SCARA3: variants seen among roughly 807,000 people sequenced by gnomAD.
SCARA3 encodes cellular stress response gene protein.
A neutral mutation model predicts 47.0 loss-of-function variants in SCARA3; 39 were observed. The ratio of observed to expected loss-of-function variants is 0.83; its 90% CI spans 0.64 to 1.08. The LOEUF (loss-of-function observed/expected upper bound fraction) is 1.08. SCARA3 is among the 50% of genes least tolerant of loss of function. The pLI is 0.00. For missense variants in SCARA3, 724 were observed against 792.3 expected, an observed-to-expected ratio of 0.91 and a Z score of 1.04; for synonymous variants, 356 against 334.1, an observed-to-expected ratio of 1.07 and a Z score of -0.71.
Position 27,646,977 on chromosome 8 carries a change from C to CCG in SCARA3, c.8-2724_8-2723insGC, listed in dbSNP as rs1563402983. The stretch of plus-strand genomic sequence containing the variant: ...CCGCACCCCTGACCGCCCCCGCCCC[C>CCG]CCCCCGCACACACACACTATTGCCC... On this transcript the variant is annotated intron_variant, in intron 1 of 5. Transcript: ENST00000301904. 3.7e-5 allele frequency among the ~76,000 whole-genome samples: 4 copies of CCG among 109,300 alleles called. 1 individual carries two copies. Among genetic ancestry groups the CCG allele is most frequent in the Non-Finnish European group, 5.9e-5 (3 of 50,446 alleles). 71.7% of individuals were successfully genotyped at this position (109,300 alleles called of 152,430 possible). A position where few individuals can be genotyped will look rare whatever the true frequency, so the allele number is the denominator to read the frequency against.
At chr8:27,660,754 A>G (rs1305641915) in intron 5 of SCARA3, among the ~76,000 whole-genome samples, 2 of 151,954 alleles carry the variant, frequency 1.3e-5, no homozygotes, top group Admixed American at 6.6e-5. Context: ...AACAGAATCA[A>G]TAATGGAGAG....
the SCARA3 span, among the ~76,000 whole-genome samples, chr8:27,690,179 C>T: frequency 6.6e-6 from 1 of 152,120 alleles, no homozygotes; most frequent in Admixed American, 6.6e-5. Context: ...ACCGTGTTGT[C>T]GCAAGAACTG....
chr8:27,711,126 T>C, the SCARA3 span, among the ~76,000 whole-genome samples: 5,550 of 152,182 alleles, frequency 0.036, 145 homozygotes, highest in African/African-American at 0.063. Context: ...TTCTCCATGT[T>C]GGTCAGGCTG....
In SCARA3 at chr8:27,669,312, G is replaced by A. The variant is rs557972675; in HGVS notation, c.1370-1588G>A. On this transcript the variant is annotated intron_variant, in intron 5 of 5. Coordinates refer to ENST00000301904, the MANE Select transcript of SCARA3 (RefSeq NM_016240.3). ...CGCACCGCCAACAGCTTCGTGGGGC[G>A]TCTCCGCCTCTGTATGGCTCTCTGC... is the stretch of plus-strand genomic sequence containing the variant. Among the ~76,000 whole-genome samples the A allele has an allele frequency of 1.5e-4, 23 of 152,366 alleles. 1 individual carries two copies. The highest frequency in any genetic ancestry group is 4.8e-4 in the African/African-American group (20 of 41,592).
the SCARA3 span, among the ~76,000 whole-genome samples, chr8:27,686,684 T>A: frequency 6.6e-6 from 1 of 152,180 alleles, no homozygotes; most frequent in Non-Finnish European, 1.5e-5. Context: ...ATCCTGTCCA[T>A]CCTGCAAACC....
intron 1 of SCARA3, among the ~76,000 whole-genome samples, chr8:27,646,776 A>G (rs958053539): frequency 2.0e-5 from 3 of 152,190 alleles, no homozygotes; most frequent in African/African-American, 7.2e-5. Context: ...CCATTCATTT[A>G]TGGGAAAGAG....
the SCARA3 span, among the ~76,000 whole-genome samples, chr8:27,688,652 A>G: frequency 2.0e-5 from 3 of 152,150 alleles, no homozygotes; most frequent in Admixed American, 6.5e-5. Context: ...GGGAGAGAGC[A>G]AAGTTTCAGA....
the SCARA3 span, among the ~76,000 whole-genome samples, chr8:27,726,568 C>T: frequency 2.0e-5 from 3 of 151,934 alleles, no homozygotes; most frequent in South Asian, 2.1e-4. Flanking sequence ...GGCTTGGTGG[C>T]GGGCGCCTGT....
the SCARA3 span, chr8:27,733,813 T>A: frequency 6.6e-6 from 1 of 152,204 alleles, no homozygotes; most frequent in Non-Finnish European, 1.5e-5. Flanking sequence ...TCAGTTTTCC[T>A]CATAAACGGT....
chr8:27,721,207 A>G, the SCARA3 span, among the ~76,000 whole-genome samples: 11 of 152,318 alleles, frequency 7.2e-5, no homozygotes, highest in Non-Finnish European at 1.5e-5. Context: ...CAAATGCAAT[A>G]AAATTTACTC....
the SCARA3 span, chr8:27,703,546 G>A: frequency 2.0e-5 from 3 of 152,284 alleles, no homozygotes; most frequent in African/African-American, 7.2e-5. Flanking sequence ...CCGGCAATGG[G>A]TGTGGTTATC....
Position 27,672,306 on chromosome 8 carries a change from A to G in SCARA3, c.*955A>G, listed in dbSNP as rs1157228554. ...TGGAAGGAATCCAAGCAGGAGTTTCATCTGCATGGGGGCACTCTGCAGGCC... is the reference window on the plus strand; with the variant it reads ...TGGAAGGAATCCAAGCAGGAGTTTCGTCTGCATGGGGGCACTCTGCAGGCC... On this transcript the variant is annotated 3_prime_UTR_variant, in exon 6 of 6. Transcript: ENST00000301904. 61 of 985,366 alleles carry G rather than the reference A, an allele frequency of 6.2e-5. No individual in the cohort carries two copies. Among genetic ancestry groups the G allele is most frequent in the Non-Finnish European group, 7.3e-5 (61 of 829,982 alleles). The allele number at this position is 985,366 out of a possible 1,614,324, so 61.0% of individuals were successfully genotyped here. A position where few individuals can be genotyped will look rare whatever the true frequency, so the allele number is the denominator to read the frequency against.
chr8:27,661,909 T>C (rs1801920594), intron 5 of SCARA3, among the ~76,000 whole-genome samples: 1 of 152,196 alleles, frequency 6.6e-6, no homozygotes, highest in African/African-American at 2.4e-5. Context: ...GACATCCTCT[T>C]CCTTACTTCC....
rs546368206 is a variant in SCARA3, at chr8:27,653,464, T to C, written c.226+1837T>C. ...TTGGGTTTCCTTTTTTGTTTTTGCC[T>C]CCAGCTTGGGTATCCCAAGTCCCTA... On this transcript the variant is annotated intron_variant, in intron 3 of 5. Coordinates refer to ENST00000301904, the MANE Select transcript of SCARA3 (RefSeq NM_016240.3). Among the ~76,000 whole-genome samples the C allele has an allele frequency of 2.0e-5, 3 of 152,262 alleles. No homozygotes were observed. In the East Asian group the frequency reaches 5.8e-4, roughly 29 times the overall value.
At chr8:27,725,275 G>C in the SCARA3 span, among the ~76,000 whole-genome samples, 1 of 152,070 alleles carries the variant, frequency 6.6e-6, no homozygotes, top group East Asian at 1.9e-4. Flanking sequence ...GAGCTGGGGG[G>C]AAGCCAGGCA....
the SCARA3 span, among the ~76,000 whole-genome samples, chr8:27,700,091 A>G: frequency 1.3e-5 from 2 of 152,206 alleles, no homozygotes; most frequent in Admixed American, 6.5e-5. Context: ...TACATAAGAT[A>G]ATTTTTGTGA....
Position 27,646,977 on chromosome 8 carries a change from C to G in SCARA3, c.8-2725C>G, listed in dbSNP as rs567421720. On this transcript the variant is annotated intron_variant, in intron 1 of 5. Coordinates refer to ENST00000301904, the MANE Select transcript of SCARA3 (RefSeq NM_016240.3). ...CCGCACCCCTGACCGCCCCCGCCCC[C>G]CCCCCGCACACACACACTATTGCCC... is the stretch of plus-strand genomic sequence containing the variant. 2.7e-4 allele frequency among the ~76,000 whole-genome samples: 29 copies of G among 109,394 alleles called. 5 individuals carry two copies. The highest frequency in any genetic ancestry group is 4.6e-4 in the South Asian group (1 of 2,182). The allele number at this position is 109,394 out of a possible 152,430, so 71.8% of individuals were successfully genotyped here. A position where few individuals can be genotyped will look rare whatever the true frequency, so the allele number is the denominator to read the frequency against.
At chr8:27,683,163 CT>C in the SCARA3 span, among the ~76,000 whole-genome samples, 1 of 152,032 alleles carries the variant, frequency 6.6e-6, no homozygotes, top group Non-Finnish European at 1.5e-5. Context: ...AATGTGCTGA[CT>C]GAGAGAAGCC....
chr8:27,671,392 G>GGGGC lies in SCARA3; in HGVS notation c.*43_*46dup. ...AGCCACTGTCACACAGAATGCCGGAGGGGCGCAGAGCAGATCCAGGCCCCA... is the reference window on the plus strand; with the variant it reads ...AGCCACTGTCACACAGAATGCCGGAGGGGCGGGCGCAGAGCAGATCCAGGCCCCA... On this transcript the variant is annotated 3_prime_UTR_variant, in exon 6 of 6. Coordinates refer to ENST00000301904, the MANE Select transcript of SCARA3 (RefSeq NM_016240.3). The GGGGC allele has an allele frequency of 7.2e-7, 1 of 1,386,672 alleles. No homozygotes were observed. 85.9% of individuals were successfully genotyped at this position (1,386,672 alleles called of 1,614,324 possible). A position where few individuals can be genotyped will look rare whatever the true frequency, so the allele number is the denominator to read the frequency against.
Sources: gnomAD v4.1 joint callset for allele counts (sites outside exome capture counted in the v4.1 genomes callset) on GRCh38, gnomAD v4.1.1 for gene constraint, MANE v1.5 for transcripts, NCBI Gene and HGNC (gene_info 2026-07-23, HGNC 2026-07-21) for gene names.